The following RGS6 variants were observed in gnomAD, a reference collection of about 807,000 sequenced individuals.
RGS6 encodes the protein regulator of G-protein signaling 6.
Under a neutral mutation model 78.5 loss-of-function variants are expected in RGS6, and 30 were observed. The observed-to-expected ratio is 0.38, with a 90% CI of 0.29 to 0.52. The LOEUF (loss-of-function observed/expected upper bound fraction) is 0.52. Among genes scored for constraint, RGS6 ranks in the 20% least tolerant of loss-of-function variants. RGS6 has a pLI of 0.85. For synonymous variants in RGS6, 206 were observed against 206.0 expected (o/e 1.00, Z 0.00); for missense variants, 495 against 609.7 (o/e 0.81, Z 1.98).
At chr14:71,875,399 C>T in the RGS6 span, among the ~76,000 whole-genome samples, 1 of 152,104 alleles carries the variant, frequency 6.6e-6, no homozygotes, top group Non-Finnish European at 1.5e-5. Context: ...GGGAATTTAT[C>T]CATTTCTTCT....
At chr14:71,868,284 C>T in the RGS6 span, among the ~76,000 whole-genome samples, 1 of 152,080 alleles carries the variant, frequency 6.6e-6, no homozygotes, top group African/African-American at 2.4e-5. Flanking sequence ...AGGAACTGAA[C>T]TTTATGGCCT....
chr14:72,133,826 G>A (rs185033920), intron 2 of RGS6, among the ~76,000 whole-genome samples: 23 of 152,070 alleles, frequency 1.5e-4, no homozygotes, highest in Admixed American at 5.9e-4. Flanking sequence ...GCAGGGACAC[G>A]CATCTACGTG....
chr14:72,118,655 T>TAAGGA (rs1159797434), intron 2 of RGS6, among the ~76,000 whole-genome samples: 2 of 152,230 alleles, frequency 1.3e-5, no homozygotes. Context: ...TGGACAGCAC[T>TAAGGA]ATTCCTAAGT....
chr14:72,226,560 C>G (rs890582662), intron 2 of RGS6, among the ~76,000 whole-genome samples: 4 of 152,200 alleles, frequency 2.6e-5, no homozygotes, highest in African/African-American at 7.2e-5. Flanking sequence ...ATCTCCTACT[C>G]AAAGTGTGGT....
At chr14:72,193,737 G>A (rs1181404149) in intron 2 of RGS6, among the ~76,000 whole-genome samples, 1 of 152,210 alleles carries the variant, frequency 6.6e-6, no homozygotes, top group Non-Finnish European at 1.5e-5. Flanking sequence ...CATTTGAGCA[G>A]AGACATGACA....
chr14:72,330,115 G>A (rs1357276144), intron 2 of RGS6, among the ~76,000 whole-genome samples: 1 of 152,184 alleles, frequency 6.6e-6, no homozygotes, highest in Non-Finnish European at 1.5e-5. Context: ...CAGCATCAGG[G>A]GTGTTGCCTC....
intron 15 of RGS6, among the ~76,000 whole-genome samples, chr14:72,534,714 G>T (rs143124415): frequency 2.2e-4 from 33 of 152,144 alleles, no homozygotes; most frequent in African/African-American, 8.0e-4. Context: ...TCTTTTTCTG[G>T]CCAGGCATCT....
intron 2 of RGS6, among the ~76,000 whole-genome samples, chr14:72,320,493 G>A (rs572351518): frequency 1.3e-5 from 2 of 152,198 alleles, no homozygotes; most frequent in South Asian, 4.2e-4. Context: ...CAGGAGAATG[G>A]CGTGAACCCG....
At chr14:72,449,163 T>C (rs1002636487) in intron 3 of RGS6, among the ~76,000 whole-genome samples, 20 of 152,230 alleles carry the variant, frequency 1.3e-4, no homozygotes, top group Non-Finnish European at 1.8e-4. Flanking sequence ...AAGAGTATGG[T>C]GAGTTCACTC....
At chr14:72,036,658 T>TA in intron 2 of RGS6, among the ~76,000 whole-genome samples, 1 of 152,184 alleles carries the variant, frequency 6.6e-6, no homozygotes, top group East Asian at 1.9e-4. Flanking sequence ...TTGCTCATTT[T>TA]AAAAATTGGA....
At position 72,121,571 on chromosome 14, in the gene RGS6, C is replaced by T. The variant is rs80079609; in HGVS notation, c.84+156696C>T. On this transcript the variant is annotated intron_variant, in intron 2 of 17. Coordinates refer to ENST00000553525, the MANE Select transcript of RGS6 (RefSeq NM_001204424.2). ...TCTTTGGTATATATATGAAAAGCATCGCTAAGAGAATGGGAGAGGTGGTGA... is the reference window on the plus strand; with the variant it reads ...TCTTTGGTATATATATGAAAAGCATTGCTAAGAGAATGGGAGAGGTGGTGA... Among the ~76,000 whole-genome samples, 406 of 152,258 alleles carry T rather than the reference C, an allele frequency of 2.7e-3. 2 individuals carry two copies. Among genetic ancestry groups the T allele is most frequent in the East Asian group, 0.02 (102 of 5,168 alleles).
At chr14:72,465,729 A>C (rs1356816374) in intron 6 of RGS6, 29 bp from the exon 7 acceptor site, 1 of 1,559,710 alleles carries the variant, frequency 6.4e-7, no homozygotes, top group East Asian at 2.2e-5. Flanking sequence ...CTGGTTTTGT[A>C]CATGTTGTCA....
chr14:72,438,064 G>A (rs532896744), intron 3 of RGS6, among the ~76,000 whole-genome samples: 1 of 152,164 alleles, frequency 6.6e-6, no homozygotes, highest in Non-Finnish European at 1.5e-5. Flanking sequence ...GGAAAAAGGG[G>A]GGTGGAAATA....
intron 2 of RGS6, among the ~76,000 whole-genome samples, chr14:72,135,677 G>A (rs1394771245): frequency 6.6e-6 from 1 of 152,004 alleles, no homozygotes; most frequent in African/African-American, 2.4e-5. Context: ...TTGTGGGGGT[G>A]GGTGGACTGG....
chr14:72,524,880 A>G (rs937259611), intron 15 of RGS6, among the ~76,000 whole-genome samples: 4 of 152,356 alleles, frequency 2.6e-5, no homozygotes, highest in African/African-American at 7.2e-5. Flanking sequence ...AAGCCAGTCC[A>G]GCCCCATTGG....
At chr14:72,234,349 A>T (rs538646901) in intron 2 of RGS6, among the ~76,000 whole-genome samples, 5 of 152,072 alleles carry the variant, frequency 3.3e-5, no homozygotes, top group Admixed American at 6.5e-5. Flanking sequence ...ACTGACACAT[A>T]CTATCTTGAC....
chr14:72,580,530 T>G, the RGS6 span, among the ~76,000 whole-genome samples: 1 of 152,076 alleles, frequency 6.6e-6, no homozygotes, highest in Non-Finnish European at 1.5e-5. Context: ...GCACAGCTGT[T>G]TTCACTGCAG....
chr14:72,541,716 G>A (rs2097330327), intron 17 of RGS6: 4 of 1,336,214 alleles, frequency 3.0e-6, no homozygotes, highest in South Asian at 1.4e-5. Flanking sequence ...AGCCAAGGGT[G>A]CCTGTGTAAG....
chr14:72,536,558 AG>A (rs756603026), intron 16 of RGS6, among the ~76,000 whole-genome samples: 88 of 152,168 alleles, frequency 5.8e-4, no homozygotes, highest in African/African-American at 2.0e-3. Flanking sequence ...CAAAAGACTA[AG>A]GCCACAGTGG....
Sources: allele counts gnomAD v4.1 joint callset (sites outside exome capture counted in the v4.1 genomes callset), GRCh38; gene constraint gnomAD v4.1.1; transcripts MANE v1.5; gene names NCBI Gene and HGNC (gene_info 2026-07-23, HGNC 2026-07-21).